HDDC2: variants seen among roughly 807,000 people sequenced by gnomAD.
The protein encoded by HDDC2 is HD domain containing 2.
A neutral mutation model predicts 25.5 loss-of-function variants in HDDC2; 25 were observed. The ratio of observed to expected loss-of-function variants is 0.98; its 90% CI spans 0.72 to 1.37. HDDC2 has a LOEUF of 1.37. Ranked by LOEUF, HDDC2 falls within the 40% of genes most tolerant of loss-of-function variation. The probability of loss-of-function intolerance (pLI) is 0.00; values close to 1 mark genes in which losing one functional copy is unlikely to be tolerated. For synonymous variants in HDDC2, 106 were observed against 89.7 expected (o/e 1.18, Z -1.03); for missense variants, 264 against 253.1 (o/e 1.04, Z -0.29).
At chr6:125,290,384 C>A (rs969607344) in intron 4 of HDDC2, among the ~76,000 whole-genome samples, 1 of 152,116 alleles carries the variant, frequency 6.6e-6, no homozygotes, top group Non-Finnish European at 1.5e-5. Flanking sequence ...ACTATTTGAA[C>A]CTTGGAAGTC....
intron 4 of HDDC2, among the ~76,000 whole-genome samples, chr6:125,279,735 A>G (rs1798429202): frequency 6.6e-6 from 1 of 152,238 alleles, no homozygotes; most frequent in African/African-American, 2.4e-5. Context: ...ACTAATTGCC[A>G]ATCAAAATAA....
intron 3 of HDDC2, among the ~76,000 whole-genome samples, chr6:125,296,672 T>G (rs1798709742): frequency 6.6e-6 from 1 of 152,194 alleles, no homozygotes; most frequent in African/African-American, 2.4e-5. Flanking sequence ...GCCTTCTGCT[T>G]ATGACATTTA....
chr6:125,292,973 A>G (rs1165439089), intron 3 of HDDC2, 64 bp from the exon 4 acceptor site: 2 of 1,283,162 alleles, frequency 1.6e-6, no homozygotes, highest in African/African-American at 1.5e-5. Context: ...ACCACTCTGC[A>G]ACAGACAAAT....
At chr6:125,289,505 C>CAAAAAAAAA (rs1562443071) in intron 4 of HDDC2, among the ~76,000 whole-genome samples, 1 of 85,930 alleles carries the variant, frequency 1.2e-5, no homozygotes, top group Non-Finnish European at 2.2e-5. Context: ...TTAAAAAAAA[C>CAAAAAAAAA]AAAACAAAAC....
rs1798746889 is a variant in HDDC2, at chr6:125,298,729, T to G, written c.294A>C (p.Lys98Asn). 1 of 1,613,802 alleles carries G rather than the reference T, an allele frequency of 6.2e-7. No homozygotes were observed. Among genetic ancestry groups the G allele is most frequent in the African/African-American group, 1.3e-5 (1 of 74,902 alleles). The change falls in exon 3 of 6, where the codon AAA (lysine) becomes AAC (asparagine). Residue 98 changes from lysine to asparagine, a missense_variant. Physicochemically the swap from Lys to Asn is moderately conservative, Grantham distance 94 (BLOSUM62 0). Coordinates refer to ENST00000398153, the MANE Select transcript of HDDC2 (RefSeq NM_016063.3). ...CAACACTGACCTCTTCTCGCCTATG[T>G]TTTTCTTCTTTGGGGATGTTATCTG... Reference protein sequence around the residue: ...APADNIPKEEKHRREEEAMKQ... With the variant: ...APADNIPKEENHRREEEAMKQ...
chr6:125,290,188 C>T (rs1471329843), intron 4 of HDDC2, among the ~76,000 whole-genome samples: 1 of 152,144 alleles, frequency 6.6e-6, no homozygotes, highest in East Asian at 1.9e-4. Context: ...CCAAAAACCA[C>T]GATACATGGA....
At chr6:125,286,350 G>A (rs565925701) in intron 4 of HDDC2, among the ~76,000 whole-genome samples, 25 of 152,184 alleles carry the variant, frequency 1.6e-4, no homozygotes, top group African/African-American at 5.3e-4. Flanking sequence ...ACAATAACTC[G>A]GATAGTACAG....
chr6:125,283,822 T>G (rs956497636), intron 4 of HDDC2, among the ~76,000 whole-genome samples: 2 of 152,114 alleles, frequency 1.3e-5, no homozygotes, highest in Non-Finnish European at 2.9e-5. Context: ...CTACTTTAAA[T>G]TTCATATGGA....
chr6:125,275,683 G>A lies in HDDC2; in HGVS notation c.*463C>T, dbSNP rs928278995. 6.3e-6 allele frequency: 1 copy of A among 157,508 alleles called. No individual in the cohort carries two copies. The highest frequency in any genetic ancestry group is 2.4e-5 in the African/African-American group (1 of 41,488). The allele number at this position is 157,508 out of a possible 1,614,324, so 9.8% of individuals were successfully genotyped here. A position where few individuals can be genotyped will look rare whatever the true frequency, so the allele number is the denominator to read the frequency against. ...GGCTCAAGAGAGTAAATCTGAATAA[G>A]GCAGCAATTTCATCTGGGGAGAGAA... is the stretch of plus-strand genomic sequence containing the variant. On this transcript the variant is annotated 3_prime_UTR_variant, in exon 6 of 6. Transcript: ENST00000398153.
intron 4 of HDDC2, chr6:125,278,273 C>T (rs1238354724): frequency 1.3e-5 from 2 of 152,120 alleles, no homozygotes; most frequent in African/African-American, 4.8e-5. Flanking sequence ...CTCAAAGGCA[C>T]TTAAAAATAA....
At chr6:125,283,364 G>A (rs925737881) in intron 4 of HDDC2, among the ~76,000 whole-genome samples, 1 of 152,174 alleles carries the variant, frequency 6.6e-6, no homozygotes, top group Non-Finnish European at 1.5e-5. Context: ...TAGGAAGAGA[G>A]GAAGTCAAAT....
chr6:125,300,976 C>A (rs1202186416), intron 1 of HDDC2, among the ~76,000 whole-genome samples: 4 of 152,074 alleles, frequency 2.6e-5, no homozygotes, highest in African/African-American at 4.8e-5. Context: ...TTTTTCCGAA[C>A]AAGAGTTGCG....
At chr6:125,278,313 A>C (rs1361788031) in intron 4 of HDDC2, 2 of 152,236 alleles carry the variant, frequency 1.3e-5, no homozygotes, top group African/African-American at 4.8e-5. Context: ...TCACATTCAC[A>C]GTTATATATT....
At chr6:125,278,154 A>C (rs1050858287) in intron 4 of HDDC2, 2 of 152,214 alleles carry the variant, frequency 1.3e-5, no homozygotes, top group African/African-American at 4.8e-5. Context: ...AAGGTTTCTT[A>C]GTTTTTATTA....
intron 4 of HDDC2, among the ~76,000 whole-genome samples, chr6:125,281,601 G>A (rs758564294): frequency 1.8e-4 from 28 of 152,232 alleles, no homozygotes; most frequent in Admixed American, 7.8e-4. Flanking sequence ...GGGGAAGAAA[G>A]CATACCAGAG....
intron 4 of HDDC2, among the ~76,000 whole-genome samples, chr6:125,284,287 T>C (rs890902700): frequency 1.3e-5 from 2 of 152,004 alleles, no homozygotes; most frequent in African/African-American, 4.8e-5. Flanking sequence ...CAAAAGCAAT[T>C]GCAACAAAAG....
At chr6:125,288,675 T>A (rs973208732) in intron 4 of HDDC2, among the ~76,000 whole-genome samples, 1 of 150,128 alleles carries the variant, frequency 6.7e-6, no homozygotes, top group Non-Finnish European at 1.5e-5. Flanking sequence ...GCGAAGGACA[T>A]GAACAGACAC....
In HDDC2 at chr6:125,301,960, C is replaced by T; in HGVS notation, c.-28G>A. On this transcript the variant is annotated 5_prime_UTR_variant, in exon 1 of 6. Coordinates refer to ENST00000398153, the MANE Select transcript of HDDC2 (RefSeq NM_016063.3). ...GGCCACCGACCCCGGCTGGGCGGAG[C>T]AGGCCGCGGCGAAGCTCCTCCCCGT... 1 of 1,532,810 alleles carries T rather than the reference C, an allele frequency of 6.5e-7. No individual in the cohort carries two copies. Among genetic ancestry groups the T allele is most frequent in the South Asian group, 1.2e-5 (1 of 83,516 alleles). 95.0% of individuals were successfully genotyped at this position (1,532,810 alleles called of 1,614,324 possible).
intron 1 of HDDC2, among the ~76,000 whole-genome samples, chr6:125,301,571 G>C (rs1432558685): frequency 6.6e-6 from 1 of 150,448 alleles, no homozygotes; most frequent in Non-Finnish European, 1.5e-5. Flanking sequence ...GCTGCTCTCC[G>C]GGAACTGGCG....
Sources: allele counts gnomAD v4.1 joint callset (sites outside exome capture counted in the v4.1 genomes callset), GRCh38; gene constraint gnomAD v4.1.1; transcripts MANE v1.5; gene names NCBI Gene and HGNC (gene_info 2026-07-23, HGNC 2026-07-21).